LRMDA: variants seen among roughly 807,000 people sequenced by gnomAD.
The protein encoded by LRMDA is leucine rich melanocyte differentiation associated.
In LRMDA, 18 loss-of-function variants were observed where a neutral mutation model predicts 29.8. The observed-to-expected ratio is 0.60, with a 90% CI of 0.42 to 0.90. The LOEUF is 0.90. Ranked by LOEUF, LRMDA falls within the 40% of genes least tolerant of loss-of-function variation. The pLI is 0.00. For missense variants in LRMDA, 273 were observed against 273.9 expected (o/e 1.00, Z 0.02); for synonymous variants, 125 against 109.4 (o/e 1.14, Z -0.89).
At chr10:75,625,627 T>G (rs1841240732) in intron 2 of LRMDA, among the ~76,000 whole-genome samples, 3 of 152,224 alleles carry the variant, frequency 2.0e-5, no homozygotes, top group Admixed American at 2.0e-4. Flanking sequence ...CCTGTAGATT[T>G]CTTGCTACAG....
chr10:75,820,372 A>G (rs1317140326), intron 2 of LRMDA, among the ~76,000 whole-genome samples: 1 of 152,238 alleles, frequency 6.6e-6, no homozygotes, highest in Non-Finnish European at 1.5e-5. Context: ...CTCTACAAAC[A>G]TATGGAAATT....
chr10:76,498,488 C>T lies in LRMDA; in HGVS notation c.602-58721C>T, dbSNP rs1477898321. 4.0e-5 allele frequency among the ~76,000 whole-genome samples: 3 copies of T among 75,740 alleles called. 1 individual carries two copies. The highest frequency in any genetic ancestry group is 9.6e-5 in the African/African-American group (3 of 31,140). 49.7% of individuals were successfully genotyped at this position (75,740 alleles called of 152,430 possible). On this transcript the variant is annotated intron_variant, in intron 6 of 6. Transcript: ENST00000611255. ...GCCTGCAAAAGGTACCACCTGTATACATGATGAGCTCTTCCTGCCTGGCAC... is the reference window on the plus strand; with the variant it reads ...GCCTGCAAAAGGTACCACCTGTATATATGATGAGCTCTTCCTGCCTGGCAC...
chr10:76,321,067 A>T (rs1053541214), intron 5 of LRMDA, among the ~76,000 whole-genome samples: 2 of 152,192 alleles, frequency 1.3e-5, no homozygotes, highest in African/African-American at 4.8e-5. Context: ...GATATACAAC[A>T]TTATTTTTAT....
At chr10:75,776,854 C>T (rs965653555) in intron 2 of LRMDA, among the ~76,000 whole-genome samples, 10 of 152,202 alleles carry the variant, frequency 6.6e-5, no homozygotes, top group Non-Finnish European at 1.3e-4. Flanking sequence ...TAATTATGGC[C>T]GTGCTGTCAA....
chr10:75,987,700 T>C (rs763729535), intron 2 of LRMDA, among the ~76,000 whole-genome samples: 1 of 152,162 alleles, frequency 6.6e-6, no homozygotes, highest in Non-Finnish European at 1.5e-5. Flanking sequence ...TGAAAATCTG[T>C]GGTCTCTGTG....
intron 2 of LRMDA, among the ~76,000 whole-genome samples, chr10:75,797,545 A>C (rs1403558393): frequency 6.6e-6 from 1 of 152,108 alleles, no homozygotes; most frequent in East Asian, 1.9e-4. Context: ...ATTTGCCGTC[A>C]CTCTCTATTC....
intron 5 of LRMDA, among the ~76,000 whole-genome samples, chr10:76,280,829 T>A (rs1215725408): frequency 6.6e-6 from 1 of 152,050 alleles, no homozygotes; most frequent in Non-Finnish European, 1.5e-5. Flanking sequence ...AAAAAGGTAC[T>A]GGACTGTGTG....
intron 2 of LRMDA, among the ~76,000 whole-genome samples, chr10:75,492,979 T>C (rs1468973520): frequency 6.6e-6 from 1 of 152,176 alleles, no homozygotes; most frequent in African/African-American, 2.4e-5. Context: ...TCTTGAGGCT[T>C]TCCGCTGCTG....
intron 2 of LRMDA, among the ~76,000 whole-genome samples, chr10:75,984,489 G>C (rs968740767): frequency 6.6e-6 from 1 of 152,214 alleles, no homozygotes; most frequent in Non-Finnish European, 1.5e-5. Context: ...GGCTGGTCAC[G>C]GTCCAAGGGA....
At chr10:75,744,814 C>T (rs1174806359) in intron 2 of LRMDA, among the ~76,000 whole-genome samples, 1 of 152,166 alleles carries the variant, frequency 6.6e-6, no homozygotes, top group Admixed American at 6.5e-5. Context: ...AGGGGACATT[C>T]CTGGCCACTG....
Position 76,240,846 on chromosome 10 carries a change from G to GTA in LRMDA, c.517-83542_517-83541dup, listed in dbSNP as rs56232296. ...TATATACACATACATATATATGTGT[G>GTA]TATATATATATATACATATATATAT... On this transcript the variant is annotated intron_variant, in intron 5 of 6. Transcript: ENST00000611255. Among the ~76,000 whole-genome samples, 7 of 71,534 alleles carry GTA rather than the reference G, an allele frequency of 9.8e-5. 1 individual carries two copies. Among genetic ancestry groups the GTA allele is most frequent in the African/African-American group, 1.7e-4 (4 of 23,702 alleles). The allele number at this position is 71,534 out of a possible 152,430, so 46.9% of individuals were successfully genotyped here. A position where few individuals can be genotyped will look rare whatever the true frequency, so the allele number is the denominator to read the frequency against.
At chr10:75,500,793 T>A (rs1845104791) in intron 2 of LRMDA, among the ~76,000 whole-genome samples, 1 of 152,262 alleles carries the variant, frequency 6.6e-6, no homozygotes, top group African/African-American at 2.4e-5. Flanking sequence ...CTCACTATCA[T>A]GAGAACAGCA....
chr10:75,769,855 T>A (rs905152866), intron 2 of LRMDA, among the ~76,000 whole-genome samples: 7 of 152,236 alleles, frequency 4.6e-5, no homozygotes, highest in Middle Eastern at 6.8e-3. Context: ...TGGTGGCACA[T>A]GTCTGTAATC....
chr10:76,147,070 G>A (rs1564666491), intron 5 of LRMDA, among the ~76,000 whole-genome samples: 3 of 152,182 alleles, frequency 2.0e-5, no homozygotes, highest in Non-Finnish European at 4.4e-5. Context: ...AGTCTGATGG[G>A]CTTCCCTTTG....
At chr10:75,948,033 G>A (rs1016002527) in intron 2 of LRMDA, among the ~76,000 whole-genome samples, 2 of 152,286 alleles carry the variant, frequency 1.3e-5, no homozygotes, top group Admixed American at 6.5e-5. Context: ...GAAATAAATT[G>A]TTGAATAAAA....
chr10:75,973,570 C>T (rs556794830), intron 2 of LRMDA, among the ~76,000 whole-genome samples: 5 of 152,196 alleles, frequency 3.3e-5, no homozygotes, highest in African/African-American at 7.2e-5. Context: ...AGGCACCTGC[C>T]ACCACGCCTG....
chr10:75,926,870 T>G, intron 2 of LRMDA, among the ~76,000 whole-genome samples: 1 of 152,246 alleles, frequency 6.6e-6, no homozygotes, highest in East Asian at 1.9e-4. Flanking sequence ...TCCTATCTGA[T>G]ACTTAGAAGG....
chr10:75,598,343 A>C (rs1396304820), intron 2 of LRMDA, among the ~76,000 whole-genome samples: 2 of 152,128 alleles, frequency 1.3e-5, no homozygotes, highest in Non-Finnish European at 2.9e-5. Flanking sequence ...GCTCGCTAAT[A>C]AACACAATAT....
chr10:75,975,372 A>G (rs986059127), intron 2 of LRMDA, among the ~76,000 whole-genome samples: 2 of 152,176 alleles, frequency 1.3e-5, no homozygotes, highest in Non-Finnish European at 2.9e-5. Context: ...CCTCCCTCCC[A>G]TTCTCCCTTC....
Sources: gnomAD v4.1 joint callset for allele counts (sites outside exome capture counted in the v4.1 genomes callset) on GRCh38, gnomAD v4.1.1 for gene constraint, MANE v1.5 for transcripts, NCBI Gene and HGNC (gene_info 2026-07-23, HGNC 2026-07-21) for gene names.